DLG2: variants seen among roughly 807,000 people sequenced by gnomAD.
DLG2 encodes the protein disks large homolog 2.
Under a neutral mutation model 132.5 loss-of-function variants are expected in DLG2, and 45 were observed. The observed-to-expected ratio is 0.34, with a 90% CI of 0.27 to 0.44. DLG2 has a LOEUF of 0.44. Ranked by LOEUF, DLG2 falls within the 20% of genes least tolerant of loss-of-function variation. The pLI is 1.00. For synonymous variants in DLG2, 424 were observed against 419.6 expected, an observed-to-expected ratio of 1.01 and a Z score of -0.13; for missense variants, 1,045 against 1,196.9, an observed-to-expected ratio of 0.87 and a Z score of 1.87.
At chr11:83,773,794 T>C (rs1172486702) in intron 18 of DLG2, among the ~76,000 whole-genome samples, 1 of 152,204 alleles carries the variant, frequency 6.6e-6, no homozygotes, top group Non-Finnish European at 1.5e-5. Context: ...CTGTGCTGGG[T>C]GCTCCTCTAG....
At chr11:83,524,366 G>A (rs7927929) in intron 21 of DLG2, among the ~76,000 whole-genome samples, 32,881 of 151,874 alleles carry the variant, frequency 0.22, 4,033 homozygotes, top group African/African-American at 0.31. Context: ...GGTTGAGCCT[G>A]CTCACCTCCA....
chr11:84,095,044 A>T (rs1212919205), intron 10 of DLG2, among the ~76,000 whole-genome samples: 1 of 152,156 alleles, frequency 6.6e-6, no homozygotes. Flanking sequence ...ATGGTCTTTA[A>T]TTCCATGTTA....
chr11:85,161,598 G>A (rs995501616), intron 4 of DLG2, among the ~76,000 whole-genome samples: 4 of 152,146 alleles, frequency 2.6e-5, no homozygotes, highest in Admixed American at 1.3e-4. Flanking sequence ...GTGGACTCAC[G>A]GAATGCCTTA....
chr11:85,456,456 C>A (rs1020497042), intron 3 of DLG2, among the ~76,000 whole-genome samples: 1 of 152,142 alleles, frequency 6.6e-6, no homozygotes, highest in Admixed American at 6.5e-5. Context: ...GTTTTCACAT[C>A]TCAAATTCCT....
At chr11:84,096,997 T>C (rs2097173947) in intron 10 of DLG2, among the ~76,000 whole-genome samples, 1 of 152,118 alleles carries the variant, frequency 6.6e-6, no homozygotes, top group Non-Finnish European at 1.5e-5. Flanking sequence ...AATAAAAGTA[T>C]CTTTGGTTGA....
At chr11:85,481,785 G>T (rs561623005) in intron 3 of DLG2, among the ~76,000 whole-genome samples, 1 of 152,074 alleles carries the variant, frequency 6.6e-6, no homozygotes, top group Non-Finnish European at 1.5e-5. Flanking sequence ...CTAGTCATTG[G>T]GCCAGAACCT....
At chr11:85,483,002 T>C (rs151013693) in intron 3 of DLG2, among the ~76,000 whole-genome samples, 32 of 152,250 alleles carry the variant, frequency 2.1e-4, no homozygotes, top group African/African-American at 7.5e-4. Flanking sequence ...TAAGATTTCA[T>C]AAAGGAGAAA....
chr11:85,403,759 G>T lies in DLG2; in HGVS notation c.41-118394C>A, dbSNP rs145445852. The stretch of plus-strand genomic sequence containing the variant: ...CTTTGTTATGGGGGAAGATGCCTCT[G>T]GTAGATATGTGAAAGACAGGCTGCA... On this transcript the variant is annotated intron_variant, in intron 3 of 27. Transcript: ENST00000376104. 3.1e-4 allele frequency among the ~76,000 whole-genome samples: 47 copies of T among 152,054 alleles called. No homozygotes were observed. The East Asian group carries it at 8.5e-3, about 28-fold the overall frequency.
intron 16 of DLG2, among the ~76,000 whole-genome samples, chr11:83,849,749 C>CT (rs67717983): frequency 1.9e-3 from 281 of 146,012 alleles, no homozygotes; most frequent in African/African-American, 5.9e-3. Flanking sequence ...TCTGGAGCTC[C>CT]TTTTTTTTTT....
At chr11:84,663,832 G>A (rs760122701) in intron 6 of DLG2, among the ~76,000 whole-genome samples, 1 of 152,032 alleles carries the variant, frequency 6.6e-6, no homozygotes, top group Non-Finnish European at 1.5e-5. Context: ...ACTGGACGAC[G>A]ATCTTTTACT....
At chr11:84,714,755 CCTT>C (rs1397959038) in intron 6 of DLG2, among the ~76,000 whole-genome samples, 1 of 150,926 alleles carries the variant, frequency 6.6e-6, no homozygotes, top group Non-Finnish European at 1.5e-5. Context: ...CTTCCCTGCT[CCTT>C]CTTCTGTTTG....
At chr11:84,024,427 A>C (rs2095484694) in intron 11 of DLG2, among the ~76,000 whole-genome samples, 1 of 152,170 alleles carries the variant, frequency 6.6e-6, no homozygotes, top group Admixed American at 6.6e-5. Flanking sequence ...TTTACACAAA[A>C]TATTTTGAAG....
intron 8 of DLG2, among the ~76,000 whole-genome samples, chr11:84,239,235 T>C (rs1258611618): frequency 2.6e-5 from 4 of 152,184 alleles, no homozygotes; most frequent in African/African-American, 7.2e-5. Flanking sequence ...GGCTGCAGTG[T>C]AGGGGTGTGA....
intron 3 of DLG2, among the ~76,000 whole-genome samples, chr11:85,324,259 G>T (rs1311117130): frequency 1.3e-5 from 2 of 152,032 alleles, no homozygotes; most frequent in Non-Finnish European, 2.9e-5. Context: ...TTTTGGTGGA[G>T]TGATGCCAGG....
intron 18 of DLG2, among the ~76,000 whole-genome samples, chr11:83,765,008 T>C (rs2094082471): frequency 6.6e-6 from 1 of 152,206 alleles, no homozygotes; most frequent in African/African-American, 2.4e-5. Flanking sequence ...TTTTTAGAAA[T>C]ACAATTAAAA....
chr11:84,359,862 T>C (rs762303690), intron 7 of DLG2, among the ~76,000 whole-genome samples: 9 of 151,976 alleles, frequency 5.9e-5, no homozygotes, highest in Admixed American at 4.6e-4. Flanking sequence ...TACACTTGGT[T>C]CTAAATCTTG....
At chr11:85,409,938 C>T (rs942232616) in intron 3 of DLG2, among the ~76,000 whole-genome samples, 3 of 151,584 alleles carry the variant, frequency 2.0e-5, no homozygotes, top group African/African-American at 7.3e-5. Context: ...GAACTGTGAC[C>T]GAATATAACA....
chr11:84,758,023 C>A (rs906420478), intron 6 of DLG2, among the ~76,000 whole-genome samples: 2 of 152,178 alleles, frequency 1.3e-5, no homozygotes, highest in Admixed American at 6.5e-5. Flanking sequence ...AATCTGTATT[C>A]CAATGGTTGG....
intron 2 of DLG2, among the ~76,000 whole-genome samples, chr11:85,625,871 T>TGC (rs2082003612): frequency 6.6e-6 from 1 of 152,134 alleles, no homozygotes; most frequent in Non-Finnish European, 1.5e-5. Context: ...TAACCTGGGG[T>TGC]GCATCTAAGC....
Sources: gnomAD v4.1 joint callset for allele counts (sites outside exome capture counted in the v4.1 genomes callset) on GRCh38, gnomAD v4.1.1 for gene constraint, MANE v1.5 for transcripts, NCBI Gene and HGNC (gene_info 2026-07-23, HGNC 2026-07-21) for gene names.